The following GPR39 variants were observed in gnomAD, a reference collection of about 807,000 sequenced individuals.
GPR39 encodes zinc sensing receptor.
GPR39 carries 23 observed loss-of-function variants against 18.4 expected under a neutral mutation model. That is an observed-to-expected ratio of 1.25 (90% CI 0.90 to 1.77). The LOEUF (loss-of-function observed/expected upper bound fraction) is 1.77, where lower values mean the gene tolerates loss of function less well. Ranked by LOEUF, GPR39 falls within the 40% of genes most tolerant of loss-of-function variation. The probability of loss-of-function intolerance (pLI) is 0.00; values close to 1 mark genes in which losing one functional copy is unlikely to be tolerated. For missense variants in GPR39, 647 were observed against 602.4 expected, an observed-to-expected ratio of 1.07 and a Z score of -0.78; for synonymous variants, 280 against 257.9, an observed-to-expected ratio of 1.09 and a Z score of -0.82.
chr2:132,532,789 TCAA>T (rs1482400594), intron 1 of GPR39, among the ~76,000 whole-genome samples: 1 of 149,306 alleles, frequency 6.7e-6, no homozygotes, highest in Admixed American at 6.6e-5. Context: ...TTGACAAAAT[TCAA>T]CAACCCTTCA....
rs190083866 is a variant in GPR39, at chr2:132,643,002, G to C, written c.857-2099G>C. Among the ~76,000 whole-genome samples, 172 of 152,284 alleles carry C rather than the reference G, an allele frequency of 1.1e-3. 1 individual carries two copies. Among genetic ancestry groups the C allele is most frequent in the Non-Finnish European group, 2.0e-3 (137 of 68,028 alleles). On this transcript the variant is annotated intron_variant, in intron 1 of 1. Coordinates refer to ENST00000329321, the MANE Select transcript of GPR39 (RefSeq NM_001508.3). ...CTGGATGAGATGCAAACAAGGAGCA[G>C]GAACTTAAGATGAATTTGGAATAGC...
chr2:132,433,306 C>A (rs1333829302), intron 1 of GPR39, among the ~76,000 whole-genome samples: 1 of 152,084 alleles, frequency 6.6e-6, no homozygotes, highest in African/African-American at 2.4e-5. Context: ...TAAAAATTAG[C>A]TACAGTAATT....
At chr2:132,453,548 C>T (rs1192292320) in intron 1 of GPR39, among the ~76,000 whole-genome samples, 1 of 152,132 alleles carries the variant, frequency 6.6e-6, no homozygotes, top group Non-Finnish European at 1.5e-5. Context: ...GTCATGAGGT[C>T]CTTGCCCATG....
intron 1 of GPR39, among the ~76,000 whole-genome samples, chr2:132,429,258 GTC>G (rs1680182654): frequency 2.0e-5 from 3 of 152,330 alleles, no homozygotes; most frequent in Non-Finnish European, 2.9e-5. Flanking sequence ...CAGAGGGTGA[GTC>G]TCTCAAAAGA....
At chr2:132,543,511 CAT>C (rs1468497725) in intron 1 of GPR39, among the ~76,000 whole-genome samples, 1 of 152,028 alleles carries the variant, frequency 6.6e-6, no homozygotes, top group Non-Finnish European at 1.5e-5. Context: ...CTTTCAATAA[CAT>C]ACTAAGGATA....
chr2:132,541,237 C>T (rs1307635974), intron 1 of GPR39, among the ~76,000 whole-genome samples: 1 of 152,106 alleles, frequency 6.6e-6, no homozygotes, highest in African/African-American at 2.4e-5. Flanking sequence ...GTATGTGTCA[C>T]CACGCTCAGC....
chr2:132,445,449 G>A (rs1392965331), intron 1 of GPR39, among the ~76,000 whole-genome samples: 1 of 152,074 alleles, frequency 6.6e-6, no homozygotes, highest in African/African-American at 2.4e-5. Flanking sequence ...AAGATAATTT[G>A]TTAATCAAAA....
At chr2:132,495,580 T>C (rs1216157799) in intron 1 of GPR39, among the ~76,000 whole-genome samples, 2 of 152,136 alleles carry the variant, frequency 1.3e-5, no homozygotes, top group Non-Finnish European at 2.9e-5. Flanking sequence ...AGAGGCCAGG[T>C]TTGATTGAAA....
chr2:132,420,498 C>G (rs1026473667), intron 1 of GPR39, among the ~76,000 whole-genome samples: 2 of 152,118 alleles, frequency 1.3e-5, no homozygotes, highest in Non-Finnish European at 2.9e-5. Flanking sequence ...GTTTACAAAT[C>G]GCTGAATTTA....
intron 1 of GPR39, among the ~76,000 whole-genome samples, chr2:132,583,765 G>T (rs542927388): frequency 6.6e-6 from 1 of 150,800 alleles, no homozygotes; most frequent in Non-Finnish European, 1.5e-5. Flanking sequence ...ACTGGGAGGC[G>T]CTCACAGGTC....
At chr2:132,561,204 C>T (rs1313143175) in intron 1 of GPR39, among the ~76,000 whole-genome samples, 1 of 152,174 alleles carries the variant, frequency 6.6e-6, no homozygotes, top group Non-Finnish European at 1.5e-5. Flanking sequence ...AGGCATGAGC[C>T]ACTGCACCTG....
rs1351814012 is a variant in GPR39, at chr2:132,646,046, C to A, written c.*440C>A. On this transcript the variant is annotated 3_prime_UTR_variant, in exon 2 of 2. Transcript: ENST00000329321. ...GAGGGGGTGGCATCTCCTTCAGCTT[C>A]AGCAGTGTGCCGAGAAGAGGGCTAA... is the stretch of plus-strand genomic sequence containing the variant. 4 of 1,554,564 alleles carry A rather than the reference C, an allele frequency of 2.6e-6. No homozygotes were observed. Among genetic ancestry groups the A allele is most frequent in the East Asian group, 2.3e-5 (1 of 43,234 alleles).
At chr2:132,538,592 C>A (rs891106175) in intron 1 of GPR39, among the ~76,000 whole-genome samples, 13 of 152,176 alleles carry the variant, frequency 8.5e-5, no homozygotes, top group African/African-American at 2.9e-4. Context: ...GGAGAATCCC[C>A]CTTGTCAGGA....
At chr2:132,477,249 G>A (rs149816097) in intron 1 of GPR39, among the ~76,000 whole-genome samples, 19 of 152,268 alleles carry the variant, frequency 1.2e-4, no homozygotes, top group East Asian at 5.8e-4. Flanking sequence ...AAGAGGAGGC[G>A]CCTGAACAGG....
rs139906076 is a variant in GPR39 at position 132,476,703 on chromosome 2, T to C, written c.856+58805T>C. ...ATATGTTCCCAGGGCACTGATAACA[T>C]GGCGGGAAAAGGAAGTGAGGTAGGG... On this transcript the variant is annotated intron_variant, in intron 1 of 1. Transcript: ENST00000329321. Among the ~76,000 whole-genome samples, 306 of 145,476 alleles carry C rather than the reference T, an allele frequency of 2.1e-3. 2 individuals are homozygous for C. Among genetic ancestry groups the C allele is most frequent in the African/African-American group, 6.6e-3 (261 of 39,298 alleles).
At chr2:132,509,857 C>T (rs1255166029) in intron 1 of GPR39, among the ~76,000 whole-genome samples, 1 of 152,106 alleles carries the variant, frequency 6.6e-6, no homozygotes, top group Admixed American at 6.5e-5. Context: ...CAAGCATCTG[C>T]TCATGGTCCT....
chr2:132,501,965 G>A (rs911598773), intron 1 of GPR39, among the ~76,000 whole-genome samples: 4 of 152,094 alleles, frequency 2.6e-5, no homozygotes, highest in African/African-American at 9.7e-5. Flanking sequence ...GTTGATGTGA[G>A]TACTTATGTG....
chr2:132,459,145 T>C (rs1232991723), intron 1 of GPR39, among the ~76,000 whole-genome samples: 3 of 152,216 alleles, frequency 2.0e-5, no homozygotes, highest in Non-Finnish European at 4.4e-5. Context: ...TCTGCTATTT[T>C]TGGTGTCCTC....
chr2:132,535,573 C>G (rs993212807), intron 1 of GPR39, among the ~76,000 whole-genome samples: 7 of 152,046 alleles, frequency 4.6e-5, no homozygotes, highest in Non-Finnish European at 1.0e-4. Context: ...ATGCTGGCCT[C>G]ATAAAATGAG....
Sources: allele counts gnomAD v4.1 joint callset (sites outside exome capture counted in the v4.1 genomes callset), GRCh38; gene constraint gnomAD v4.1.1; transcripts MANE v1.5; gene names NCBI Gene and HGNC (gene_info 2026-07-23, HGNC 2026-07-21).